ACOXL: variants seen among roughly 807,000 people sequenced by gnomAD.
ACOXL encodes acyl-CoA oxidase like.
Under a neutral mutation model 71.9 loss-of-function variants are expected in ACOXL, and 70 were observed. The observed-to-expected ratio is 0.97, with a 90% CI of 0.80 to 1.19. ACOXL has a LOEUF of 1.19. Ranked by LOEUF, ACOXL falls within the 50% of genes most tolerant of loss-of-function variation. ACOXL has a pLI of 0.00. For synonymous variants in ACOXL, 253 were observed against 281.6 expected (o/e 0.90, Z 1.02); for missense variants, 703 against 736.3 (o/e 0.95, Z 0.52).
At chr2:111,058,414 C>T (rs2066651468) in intron 16 of ACOXL, among the ~76,000 whole-genome samples, 1 of 152,176 alleles carries the variant, frequency 6.6e-6, no homozygotes, top group African/African-American at 2.4e-5. Flanking sequence ...GATGTAAACA[C>T]TAAAGTTATA....
chr2:111,048,954 ACCT>A, intron 15 of ACOXL, among the ~76,000 whole-genome samples: 1 of 152,096 alleles, frequency 6.6e-6, no homozygotes, highest in Admixed American at 6.5e-5. Context: ...TGAACCCAGG[ACCT>A]CCTGGCAGTT....
chr2:110,896,011 A>G (rs1406692065), intron 10 of ACOXL, among the ~76,000 whole-genome samples: 2 of 152,178 alleles, frequency 1.3e-5, no homozygotes, highest in African/African-American at 4.8e-5. Context: ...AGTTCTCTAA[A>G]TTATGTTTGG....
At chr2:110,834,610 A>C (rs1305853525) in intron 9 of ACOXL, among the ~76,000 whole-genome samples, 2 of 152,192 alleles carry the variant, frequency 1.3e-5, no homozygotes, top group African/African-American at 2.4e-5. Flanking sequence ...GATGATAGTC[A>C]CTTAATAGAA....
chr2:110,991,769 A>G (rs2063184609), intron 13 of ACOXL, among the ~76,000 whole-genome samples: 1 of 152,048 alleles, frequency 6.6e-6, no homozygotes, highest in South Asian at 2.1e-4. Flanking sequence ...GAGCTCCTAC[A>G]TGTTAGGACT....
In ACOXL at chr2:110,792,769, A is replaced by G. The variant is rs147975385; in HGVS notation, c.160-881A>G. Among the ~76,000 whole-genome samples, 728 of 152,340 alleles carry G rather than the reference A, an allele frequency of 4.8e-3. 3 individuals carry two copies. Among genetic ancestry groups the G allele is most frequent in the African/African-American group, 0.017 (691 of 41,574 alleles). On this transcript the variant is annotated intron_variant, in intron 3 of 17. Transcript: ENST00000439055. ...AGCTATGATCATGCCACTGTCCTCCAGCCTGGGTGAAAGAGTGAGACCCTG... is the reference window on the plus strand; with the variant it reads ...AGCTATGATCATGCCACTGTCCTCCGGCCTGGGTGAAAGAGTGAGACCCTG...
chr2:110,971,303 A>G (rs920928011), intron 12 of ACOXL, among the ~76,000 whole-genome samples: 2 of 152,262 alleles, frequency 1.3e-5, no homozygotes, highest in African/African-American at 4.8e-5. Context: ...GCTAAAATGA[A>G]TATTAATAAC....
At chr2:110,915,335 T>TA (rs1282856900) in intron 11 of ACOXL, among the ~76,000 whole-genome samples, 2,952 of 116,172 alleles carry the variant, frequency 0.025, 122 homozygotes, top group African/African-American at 0.076. Flanking sequence ...TTATATGCAT[T>TA]TTATATATAT....
chr2:110,912,697 G>T (rs1213043374), intron 11 of ACOXL, among the ~76,000 whole-genome samples: 1 of 151,984 alleles, frequency 6.6e-6, no homozygotes, highest in Non-Finnish European at 1.5e-5. Context: ...GTTAGGCAGT[G>T]GTTTCTTAGA....
chr2:110,973,745 CAG>C (rs1195146605), intron 12 of ACOXL, among the ~76,000 whole-genome samples: 5 of 152,226 alleles, frequency 3.3e-5, no homozygotes, highest in African/African-American at 7.2e-5. Flanking sequence ...GGGATTCAGG[CAG>C]AGAGTCATGC....
At position 110,799,024 on chromosome 2, in the gene ACOXL, T is replaced by C. The variant is rs1308098895; in HGVS notation, c.471T>C (p.Cys157=). 6.2e-7 allele frequency: 1 copy of C among 1,613,842 alleles called. No individual in the cohort carries two copies. Among genetic ancestry groups the C allele is most frequent in the Non-Finnish European group, 8.5e-7 (1 of 1,179,946 alleles). Residue 157 remains cysteine (C), a synonymous_variant, in exon 7 of 18, where the codon TGT becomes TGC. Coordinates refer to ENST00000439055, the MANE Select transcript of ACOXL (RefSeq NM_001142807.4). Reference sequence around the variant, plus strand: ...CGATGCCTTCCTTAGGGCCCCACTGTTTCATCGTTCCTGTCCGGGATGAAA... The same window carrying C: ...CGATGCCTTCCTTAGGGCCCCACTGCTTCATCGTTCCTGTCCGGGATGAAA... ...IIDGRSQGPH[C]FIVPVRDENG... is the part of the protein sequence containing the mutation.
chr2:111,051,897 G>C (rs2066306288), intron 16 of ACOXL, among the ~76,000 whole-genome samples: 1 of 152,178 alleles, frequency 6.6e-6, no homozygotes, highest in Non-Finnish European at 1.5e-5. Flanking sequence ...TAAAAATGCA[G>C]CTTGTATGGC....
intron 2 of ACOXL, among the ~76,000 whole-genome samples, chr2:110,769,938 C>T (rs1252238402): frequency 2.0e-4 from 31 of 151,826 alleles, no homozygotes; most frequent in African/African-American, 2.4e-5. Context: ...CTACTTGGGA[C>T]GCTGAGGTGG....
chr2:110,954,713 T>C (rs6732992), intron 12 of ACOXL, among the ~76,000 whole-genome samples: 6,485 of 152,298 alleles, frequency 0.043, 393 homozygotes, highest in East Asian at 0.19. Context: ...AATCATTTTT[T>C]CTTTAGAGTT....
chr2:110,904,691 A>G (rs1371929282), intron 10 of ACOXL, among the ~76,000 whole-genome samples: 1 of 152,208 alleles, frequency 6.6e-6, no homozygotes, highest in Non-Finnish European at 1.5e-5. Flanking sequence ...AAACAATAGC[A>G]TTGGTTAGAA....
chr2:110,813,105 A>G (rs776648002), intron 9 of ACOXL, among the ~76,000 whole-genome samples: 2 of 152,182 alleles, frequency 1.3e-5, no homozygotes, highest in African/African-American at 2.4e-5. Context: ...CAATGAGTAG[A>G]GTATCTGCGT....
At chr2:110,817,011 G>C (rs931495131) in intron 9 of ACOXL, among the ~76,000 whole-genome samples, 1 of 152,210 alleles carries the variant, frequency 6.6e-6, no homozygotes, top group Non-Finnish European at 1.5e-5. Flanking sequence ...AGCCCCAGGT[G>C]TTAACAGTCT....
intron 14 of ACOXL, among the ~76,000 whole-genome samples, chr2:111,026,738 G>C (rs982386624): frequency 2.0e-5 from 3 of 152,106 alleles, no homozygotes; most frequent in Non-Finnish European, 4.4e-5. Flanking sequence ...CAAATCCCAA[G>C]AGGGGGTTCT....
intron 12 of ACOXL, among the ~76,000 whole-genome samples, chr2:110,973,021 C>T (rs1558809759): frequency 6.6e-6 from 1 of 152,200 alleles, no homozygotes; most frequent in African/African-American, 2.4e-5. Context: ...GGAATCTTCC[C>T]AAACCCAAGT....
At chr2:110,994,668 T>G (rs770978979) in intron 13 of ACOXL, among the ~76,000 whole-genome samples, 3 of 152,164 alleles carry the variant, frequency 2.0e-5, no homozygotes, top group Admixed American at 6.5e-5. Context: ...GAGCTTTTAA[T>G]TGTGAACTTG....
Sources: gnomAD v4.1 joint callset for allele counts (sites outside exome capture counted in the v4.1 genomes callset) on GRCh38, gnomAD v4.1.1 for gene constraint, MANE v1.5 for transcripts, NCBI Gene and HGNC (gene_info 2026-07-23, HGNC 2026-07-21) for gene names.